ADGRE2: variants seen among roughly 807,000 people sequenced by gnomAD.
ADGRE2 encodes the protein CD97 antigen.
A neutral mutation model predicts 100.8 loss-of-function variants in ADGRE2; 83 were observed. The ratio of observed to expected loss-of-function variants is 0.82; its 90% confidence interval spans 0.69 to 0.99. The LOEUF (loss-of-function observed/expected upper bound fraction) is 0.99. ADGRE2 is among the 50% of genes least tolerant of loss of function. ADGRE2 has a pLI of 0.00. For synonymous variants in ADGRE2, 355 were observed against 413.0 expected (o/e 0.86, Z 1.70); for missense variants, 814 against 1,035.7 (o/e 0.79, Z 2.94).
intron 11 of ADGRE2, among the ~76,000 whole-genome samples, chr19:14,758,689 C>T (rs903607690): frequency 2.0e-5 from 3 of 152,016 alleles, no homozygotes; most frequent in South Asian, 2.1e-4. Context: ...TCGAGACCAA[C>T]CTGGATAACA....
the ADGRE2 span, among the ~76,000 whole-genome samples, chr19:14,725,966 A>G: frequency 2.6e-5 from 4 of 152,168 alleles, no homozygotes; most frequent in African/African-American, 7.2e-5. Context: ...GGGGAATCCA[A>G]TCCTAATAGA....
chr19:14,752,238 A>G, intron 15 of ADGRE2, 91 bp downstream of exon 15: 2 of 1,501,856 alleles, frequency 1.3e-6, no homozygotes, highest in African/African-American at 1.4e-5. Context: ...CAGCCGGGCT[A>G]TTATATTAAG....
chr19:14,773,785 C>A (rs1015019285), intron 4 of ADGRE2, among the ~76,000 whole-genome samples, 153 bp downstream of exon 4: 1 of 152,102 alleles, frequency 6.6e-6, no homozygotes, highest in Non-Finnish European at 1.5e-5. Context: ...GTGCTGGGAG[C>A]CACCACACCT....
chr19:14,772,394 C>T lies in ADGRE2; in HGVS notation c.303G>A (p.Glu101=). Residue 101 remains glutamate, a synonymous_variant, in exon 5 of 21, where the codon GAG becomes GAA. Coordinates refer to ENST00000315576, the MANE Select transcript of ADGRE2 (RefSeq NM_013447.4). ...SYDCVCSPGY[E]PVSGAKTFKN... is the part of the protein sequence containing the mutation. The stretch of plus-strand genomic sequence containing the variant: ...TGAATGTTTTTGCCCCAGAAACAGG[C>T]TCATATCCTGGGCTGCACACGCAGT... 6.2e-7 allele frequency: 1 copy of T among 1,614,062 alleles called. No individual in the cohort carries two copies. The highest frequency in any genetic ancestry group is 8.5e-7 in the Non-Finnish European group (1 of 1,180,034).
chr19:14,760,917 G>A (rs768758915), intron 11 of ADGRE2, among the ~76,000 whole-genome samples: 2 of 152,082 alleles, frequency 1.3e-5, no homozygotes, highest in African/African-American at 4.8e-5. Flanking sequence ...GCCCCTTATC[G>A]TATTCCAGAC....
At chr19:14,773,850 C>T (rs149806083) in intron 4 of ADGRE2, 88 bp downstream of exon 4, 2 of 1,179,712 alleles carry the variant, frequency 1.7e-6, no homozygotes, top group Non-Finnish European at 2.5e-6. Context: ...AAGGCTGTGG[C>T]CCCTCACAAC....
intron 16 of ADGRE2, among the ~76,000 whole-genome samples, chr19:14,749,310 T>G (rs2043189488): frequency 1.6e-5 from 1 of 62,544 alleles, no homozygotes; most frequent in African/African-American, 4.8e-5. Flanking sequence ...TAATTATATA[T>G]GATATATACA....
chr19:14,747,270 G>A (rs1234197998), intron 16 of ADGRE2, among the ~76,000 whole-genome samples: 1 of 152,292 alleles, frequency 6.6e-6, no homozygotes, highest in East Asian at 1.9e-4. Flanking sequence ...GGAGGCCGAG[G>A]TGGGAGGATT....
chr19:14,743,739 GCAGCCCAGGATGAA>G lies in ADGRE2; in HGVS notation c.2215_2228del (p.Phe739HisfsTer59). Reference sequence around the variant, plus strand: ...CCTGCAAGATGCCCAGACACCACGTGCAGCCCAGGATGAACAGCTGAGCTGTCGCTTTAAATGCC... The same window carrying G: ...CCTGCAAGATGCCCAGACACCACGTGCAGCTGAGCTGTCGCTTTAAATGCC... On this transcript the variant is annotated frameshift_variant, in exon 19 of 21. Transcript: ENST00000315576. LOFTEE classifies it high-confidence loss of function. 1.2e-6 allele frequency: 2 copies of G among 1,614,204 alleles called. No individual in the cohort carries two copies. The highest frequency in any genetic ancestry group is 2.2e-5 in the South Asian group (2 of 91,078).
In ADGRE2 at chr19:14,733,110, C is replaced by T. The variant is rs2732798; in HGVS notation, c.*3126G>A. 0.22 allele frequency: 34,086 copies of T among 151,976 alleles called. 4,057 individuals are homozygous for T. The highest frequency in any genetic ancestry group is 0.26 in the Non-Finnish European group (17,688 of 67,974). The allele number at this position is 151,976 out of a possible 1,614,324, so 9.4% of individuals were successfully genotyped here. On this transcript the variant is annotated 3_prime_UTR_variant, in exon 21 of 21. Transcript: ENST00000315576. ...AGCAGTCTATATCAAGCAAAGGGCA[C>T]GCAGAATCCCATGCACCCATCATGT...
rs142367407 is a variant in ADGRE2 at position 14,755,655 on chromosome 19, C to T, written c.1415G>A (p.Arg472His). The change falls in exon 13 of 21, where the codon CGT becomes CAT. Residue 472 changes from arginine to histidine, a missense_variant and splice_region_variant. Coordinates refer to ENST00000315576, the MANE Select transcript of ADGRE2 (RefSeq NM_013447.4). ...CCAACCAACTCCACCAGCACTCACA[C>T]GGTGGGAGAAGGTGAAGGTAACTGG... ...SSPVTFTFSH[R>H]SVIPRQKVLC... 75 of 1,613,502 alleles carry T rather than the reference C, an allele frequency of 4.6e-5. No individual in the cohort carries two copies. Among genetic ancestry groups the T allele is most frequent in the African/African-American group, 1.1e-4 (8 of 74,892 alleles).
intron 15 of ADGRE2, 96 bp downstream of exon 15, chr19:14,752,233 G>C (rs1482802581): frequency 6.8e-7 from 1 of 1,476,920 alleles, no homozygotes; most frequent in Non-Finnish European, 9.3e-7. Context: ...ACGCCCAGCC[G>C]GGCTATTATA....
At position 14,757,224 on chromosome 19, in the gene ADGRE2, G is replaced by C. The variant is rs2043531859; in HGVS notation, c.1085-879C>G. Among the ~76,000 whole-genome samples the C allele has an allele frequency of 3.3e-5, 5 of 152,206 alleles. No individual in the cohort carries two copies. The South Asian group carries it at 8.3e-4, about 25-fold the overall frequency. On this transcript the variant is annotated intron_variant, in intron 11 of 20. Transcript: ENST00000315576. ...ACAAAAGTGTTTGAAAGAAATAAAA[G>C]GCCCTCTCTAAATGGAAAGACAGCC... is the stretch of plus-strand genomic sequence containing the variant.
At chr19:14,744,544 C>T (rs902247684) in intron 18 of ADGRE2, among the ~76,000 whole-genome samples, 1 of 151,996 alleles carries the variant, frequency 6.6e-6, no homozygotes, top group African/African-American at 2.4e-5. Flanking sequence ...CAACCTCTGC[C>T]TCCCAGGTGA....
downstream of ADGRE2, among the ~76,000 whole-genome samples, chr19:14,729,815 A>G (rs1009159536): frequency 1.3e-5 from 2 of 152,328 alleles, no homozygotes; most frequent in South Asian, 2.1e-4. Context: ...GCATACATTA[A>G]TTTGCTAGAT....
chr19:14,772,305 T>G, intron 5 of ADGRE2, 37 bp downstream of exon 5: 1 of 1,613,288 alleles, frequency 6.2e-7, no homozygotes, highest in Non-Finnish European at 8.5e-7. Flanking sequence ...CCAAACCTCA[T>G]GGACAGTGGT....
At chr19:14,742,746 T>C (rs1387935549) in intron 20 of ADGRE2, among the ~76,000 whole-genome samples, 3 of 152,146 alleles carry the variant, frequency 2.0e-5, no homozygotes, top group Non-Finnish European at 4.4e-5. Flanking sequence ...GACTGTGAGA[T>C]AGACTTGTAT....
In ADGRE2 at chr19:14,756,352, G is replaced by A. The variant is rs776425428; in HGVS notation, c.1085-7C>T. On this transcript the variant is annotated splice_region_variant and splice_polypyrimidine_tract_variant and intron_variant, in intron 11 of 20. Transcript: ENST00000315576. ...TGCACCTCCAGGGACAATTCTATGA[G>A]TTGTGGGAATTACATAAGGGGGGTT... The A allele has an allele frequency of 5.4e-5, 87 of 1,600,784 alleles. No individual in the cohort carries two copies. Among genetic ancestry groups the A allele is most frequent in the Non-Finnish European group, 6.6e-5 (77 of 1,168,006 alleles).
At chr19:14,763,138 G>C (rs963192204) in intron 11 of ADGRE2, among the ~76,000 whole-genome samples, 1 of 152,026 alleles carries the variant, frequency 6.6e-6, no homozygotes, top group Non-Finnish European at 1.5e-5. Flanking sequence ...TCAGGAGATC[G>C]AGAGACCATC....
Sources: allele counts gnomAD v4.1 joint callset (sites outside exome capture counted in the v4.1 genomes callset), GRCh38; gene constraint gnomAD v4.1.1; transcripts MANE v1.5; gene names NCBI Gene and HGNC (gene_info 2026-07-23, HGNC 2026-07-21).